The following NKAIN3 variants were observed in gnomAD, a reference collection of about 807,000 sequenced individuals.
NKAIN3 encodes the protein sodium/potassium transporting ATPase interacting 3.
A neutral mutation model predicts 30.2 loss-of-function variants in NKAIN3; 25 were observed. That is an observed-to-expected ratio of 0.83 (90% CI 0.60 to 1.16). NKAIN3 has a LOEUF of 1.16. NKAIN3 is among the 50% of genes most tolerant of loss of function. The probability of loss-of-function intolerance (pLI) is 0.00; values close to 1 mark genes in which losing one functional copy is unlikely to be tolerated. For missense variants in NKAIN3, 225 were observed against 254.1 expected (o/e 0.89, Z 0.78); for synonymous variants, 91 against 89.6 (o/e 1.02, Z -0.09).
chr8:62,304,236 T>C (rs1191548671), intron 1 of NKAIN3, among the ~76,000 whole-genome samples: 1 of 150,456 alleles, frequency 6.6e-6, no homozygotes, highest in African/African-American at 2.5e-5. Context: ...AAATTTTCAG[T>C]GCTCTCTCAG....
chr8:62,527,469 T>C (rs1005708811), intron 1 of NKAIN3, among the ~76,000 whole-genome samples: 2 of 152,120 alleles, frequency 1.3e-5, no homozygotes, highest in African/African-American at 4.8e-5. Flanking sequence ...ATAATGGATA[T>C]AGGGCATGCA....
At chr8:62,905,290 C>T (rs1821742985) in intron 4 of NKAIN3, among the ~76,000 whole-genome samples, 2 of 151,986 alleles carry the variant, frequency 1.3e-5, no homozygotes, top group African/African-American at 4.8e-5. Context: ...GGAAGATAAG[C>T]CTTGGAGCCA....
At chr8:62,664,854 G>A (rs1247590775) in intron 3 of NKAIN3, among the ~76,000 whole-genome samples, 1 of 152,170 alleles carries the variant, frequency 6.6e-6, no homozygotes, top group Non-Finnish European at 1.5e-5. Flanking sequence ...TGCTCTAAAT[G>A]TTGATGTCAC....
chr8:62,389,556 C>T (rs1817525030), intron 1 of NKAIN3, among the ~76,000 whole-genome samples: 1 of 152,132 alleles, frequency 6.6e-6, no homozygotes, highest in Non-Finnish European at 1.5e-5. Context: ...AGGTTTAATA[C>T]CACTGAATAA....
At position 62,869,549 on chromosome 8, in the gene NKAIN3, A is replaced by C. The variant is rs144492199; in HGVS notation, c.472-48904A>C. On this transcript the variant is annotated intron_variant, in intron 4 of 6. Transcript: ENST00000623646. ...GGCAAATTAGGTTAGAATGAAGATT[A>C]ATGATATCTAACCAGAGAAATCAAC... Among the ~76,000 whole-genome samples, 175 of 152,380 alleles carry C rather than the reference A, an allele frequency of 1.1e-3. 1 individual carries two copies. The Middle Eastern group carries it at 0.02, about 18-fold the overall frequency.
intron 1 of NKAIN3, among the ~76,000 whole-genome samples, chr8:62,327,052 A>G (rs1815166338): frequency 1.3e-5 from 2 of 151,764 alleles, no homozygotes; most frequent in Non-Finnish European, 1.5e-5. Context: ...TTTGATTTGC[A>G]TTTTCCTAAT....
chr8:62,413,158 G>C (rs1417849414), intron 1 of NKAIN3, among the ~76,000 whole-genome samples: 1 of 152,144 alleles, frequency 6.6e-6, no homozygotes, highest in Non-Finnish European at 1.5e-5. Flanking sequence ...TGCTGGCCAG[G>C]CTGTAGATAA....
chr8:62,877,851 A>G (rs1820846744), intron 4 of NKAIN3, among the ~76,000 whole-genome samples: 1 of 151,822 alleles, frequency 6.6e-6, no homozygotes, highest in Non-Finnish European at 1.5e-5. Flanking sequence ...GACCAGCCTG[A>G]CCAACATGAA....
intron 4 of NKAIN3, among the ~76,000 whole-genome samples, chr8:62,792,413 C>A (rs1386673102): frequency 9.1e-6 from 1 of 109,704 alleles, no homozygotes. Flanking sequence ...CTCAAACTTT[C>A]AACAAGAGAA....
chr8:62,397,646 A>G (rs1817805802), intron 1 of NKAIN3, among the ~76,000 whole-genome samples: 1 of 152,090 alleles, frequency 6.6e-6, no homozygotes, highest in Admixed American at 6.5e-5. Flanking sequence ...TGGAAAATAG[A>G]TGGTAAATTT....
chr8:62,374,592 A>T (rs998014150), intron 1 of NKAIN3, among the ~76,000 whole-genome samples: 7 of 152,176 alleles, frequency 4.6e-5, no homozygotes, highest in African/African-American at 1.7e-4. Context: ...CTTGGTGCAA[A>T]TTGTACATTG....
intron 1 of NKAIN3, among the ~76,000 whole-genome samples, chr8:62,335,275 A>T (rs1815503161): frequency 6.6e-6 from 1 of 151,674 alleles, no homozygotes; most frequent in Admixed American, 6.6e-5. Context: ...AAAATACAAA[A>T]ATTAGCTGGG....
chr8:62,942,235 C>T (rs199848076), intron 5 of NKAIN3, among the ~76,000 whole-genome samples: 9 of 75,888 alleles, frequency 1.2e-4, no homozygotes, highest in African/African-American at 3.3e-4. Context: ...CATATATATA[C>T]ACATATATAT....
Position 62,948,488 on chromosome 8 carries a change from G to T in NKAIN3, c.533-5414G>T, listed in dbSNP as rs564930097. On this transcript the variant is annotated intron_variant, in intron 5 of 6. Transcript: ENST00000623646. ...GCTGGGATTACAGGCGTGAGCCACCGCACCTGGCCAGTATTTCTTAAAATA... is the reference window on the plus strand; with the variant it reads ...GCTGGGATTACAGGCGTGAGCCACCTCACCTGGCCAGTATTTCTTAAAATA... 1.2e-3 allele frequency among the ~76,000 whole-genome samples: 178 copies of T among 152,212 alleles called. 1 individual carries two copies. Among genetic ancestry groups the T allele is most frequent in the African/African-American group, 4.2e-3 (174 of 41,540 alleles).
At chr8:62,318,507 A>C (rs1173729944) in intron 1 of NKAIN3, among the ~76,000 whole-genome samples, 1 of 152,158 alleles carries the variant, frequency 6.6e-6, no homozygotes, top group Non-Finnish European at 1.5e-5. Flanking sequence ...TTAGCAATGA[A>C]GGTTGTTGAA....
intron 1 of NKAIN3, among the ~76,000 whole-genome samples, chr8:62,567,151 T>G (rs886724182): frequency 2.0e-5 from 3 of 152,090 alleles, no homozygotes; most frequent in African/African-American, 7.2e-5. Flanking sequence ...TTCCAGTGGA[T>G]TCAGGATGGT....
intron 1 of NKAIN3, among the ~76,000 whole-genome samples, chr8:62,252,238 G>A (rs149487345): frequency 9.9e-4 from 150 of 152,224 alleles, no homozygotes; most frequent in African/African-American, 3.3e-3. Flanking sequence ...AGGGGATGGC[G>A]TTGGGAGAAC....
chr8:62,913,195 GTATAGTA>G (rs990705380), intron 4 of NKAIN3, among the ~76,000 whole-genome samples: 92 of 152,110 alleles, frequency 6.0e-4, no homozygotes, highest in African/African-American at 2.1e-3. Context: ...ACAGTAAGAA[GTATAGTA>G]TAAATACATA....
intron 5 of NKAIN3, among the ~76,000 whole-genome samples, chr8:62,995,420 T>C (rs1469040293): frequency 1.3e-5 from 2 of 152,220 alleles, no homozygotes; most frequent in East Asian, 3.9e-4. Context: ...CACAGTGGTA[T>C]AGATGAATGC....
Sources: allele counts gnomAD v4.1 joint callset (sites outside exome capture counted in the v4.1 genomes callset), GRCh38; gene constraint gnomAD v4.1.1; transcripts MANE v1.5; gene names NCBI Gene and HGNC (gene_info 2026-07-23, HGNC 2026-07-21).